GALNT13: variants seen among roughly 807,000 people sequenced by gnomAD.
The protein encoded by GALNT13 is polypeptide N-acetylgalactosaminyltransferase 13, also known as UDP-GalNAc:polypeptide N-acetylgalactosaminyltransferase 13.
A neutral mutation model predicts 64.2 loss-of-function variants in GALNT13; 28 were observed. That is an observed-to-expected ratio of 0.44 (90% CI 0.32 to 0.60). The LOEUF (loss-of-function observed/expected upper bound fraction) is 0.60. Among genes scored for constraint, GALNT13 ranks in the 20% least tolerant of loss-of-function variants. The probability of loss-of-function intolerance (pLI) is 0.05; values close to 1 mark genes in which losing one functional copy is unlikely to be tolerated. For missense variants in GALNT13, 577 were observed against 669.8 expected (o/e 0.86, Z 1.53); for synonymous variants, 214 against 224.6 (o/e 0.95, Z 0.42).
At chr2:153,767,567 A>T in the GALNT13 span, among the ~76,000 whole-genome samples, 1 of 152,144 alleles carries the variant, frequency 6.6e-6, no homozygotes, top group African/African-American at 2.4e-5. Context: ...ATACCCACGA[A>T]CAGTATGTGA....
the GALNT13 span, among the ~76,000 whole-genome samples, chr2:153,576,425 C>T: frequency 6.6e-6 from 1 of 152,190 alleles, no homozygotes; most frequent in Non-Finnish European, 1.5e-5. Flanking sequence ...AACTTAAATT[C>T]CAACAGCTAG....
chr2:154,261,761 T>C (rs1211570408), intron 8 of GALNT13, among the ~76,000 whole-genome samples: 1 of 152,162 alleles, frequency 6.6e-6, no homozygotes, highest in Non-Finnish European at 1.5e-5. Flanking sequence ...ATTTCCTTTA[T>C]AAATTTATGT....
chr2:153,649,191 G>T, the GALNT13 span, among the ~76,000 whole-genome samples: 2 of 152,110 alleles, frequency 1.3e-5, no homozygotes, highest in Non-Finnish European at 2.9e-5. Flanking sequence ...GTTTAGTCTT[G>T]GGAGGGTGTA....
chr2:153,737,156 G>T, the GALNT13 span, among the ~76,000 whole-genome samples: 1 of 152,120 alleles, frequency 6.6e-6, no homozygotes, highest in Admixed American at 6.6e-5. Flanking sequence ...AATTATTCAG[G>T]GAGGAAGAAA....
the GALNT13 span, among the ~76,000 whole-genome samples, chr2:153,555,190 CTTTTTT>C: frequency 9.5e-6 from 1 of 105,214 alleles, no homozygotes; most frequent in Admixed American, 9.9e-5. Context: ...AGAAGCTTTA[CTTTTTT>C]TTTTTTTTTT....
At chr2:154,025,811 T>G (rs1697916622) in intron 3 of GALNT13, among the ~76,000 whole-genome samples, 1 of 152,140 alleles carries the variant, frequency 6.6e-6, no homozygotes. Flanking sequence ...GGTCACTCAA[T>G]TCTTTGAGGG....
At chr2:154,064,169 T>C (rs778864710) in intron 3 of GALNT13, among the ~76,000 whole-genome samples, 1 of 152,140 alleles carries the variant, frequency 6.6e-6, no homozygotes, top group Non-Finnish European at 1.5e-5. Context: ...CCGACACTGA[T>C]GGAAGGAGCA....
chr2:153,165,597 T>G, the GALNT13 span, among the ~76,000 whole-genome samples: 1 of 152,234 alleles, frequency 6.6e-6, no homozygotes, highest in Admixed American at 6.5e-5. Flanking sequence ...TTTGAGCTGC[T>G]TGGCTTATAA....
chr2:153,331,218 A>T, the GALNT13 span, among the ~76,000 whole-genome samples: 6 of 115,718 alleles, frequency 5.2e-5, no homozygotes, highest in South Asian at 1.5e-3. Context: ...CATCAGGGAT[A>T]TTGGCCTATG....
intron 4 of GALNT13, among the ~76,000 whole-genome samples, chr2:154,143,191 A>T (rs1386100831): frequency 1.3e-5 from 2 of 152,138 alleles, no homozygotes; most frequent in Non-Finnish European, 2.9e-5. Context: ...GATCCTTCGC[A>T]TGCGCAGTTC....
At chr2:154,021,041 T>C (rs1485662165) in intron 3 of GALNT13, among the ~76,000 whole-genome samples, 1 of 152,208 alleles carries the variant, frequency 6.6e-6, no homozygotes, top group Non-Finnish European at 1.5e-5. Flanking sequence ...GACGCCTCTG[T>C]TCTGCTCCAT....
the GALNT13 span, among the ~76,000 whole-genome samples, chr2:153,162,962 C>G: frequency 6.6e-6 from 1 of 151,846 alleles, no homozygotes; most frequent in Admixed American, 6.6e-5. Context: ...TCTCTCAAGT[C>G]GATTGAAAGT....
the GALNT13 span, among the ~76,000 whole-genome samples, chr2:153,364,882 G>GA: frequency 6.6e-6 from 1 of 151,894 alleles, no homozygotes; most frequent in Non-Finnish European, 1.5e-5. Context: ...CACATAATTA[G>GA]AAAAAACTAC....
At chr2:153,772,321 T>C in the GALNT13 span, among the ~76,000 whole-genome samples, 3 of 152,194 alleles carry the variant, frequency 2.0e-5, no homozygotes, top group Admixed American at 1.3e-4. Context: ...CCCATTATCT[T>C]TTCCTCTGCC....
the GALNT13 span, among the ~76,000 whole-genome samples, chr2:153,397,438 C>A: frequency 6.6e-6 from 1 of 152,084 alleles, no homozygotes; most frequent in Non-Finnish European, 1.5e-5. Context: ...TTCACTGGTG[C>A]ACTGACTTTT....
chr2:153,703,255 T>A, the GALNT13 span, among the ~76,000 whole-genome samples: 2 of 152,218 alleles, frequency 1.3e-5, no homozygotes, highest in South Asian at 4.1e-4. Flanking sequence ...GTTGTTTGTC[T>A]CACCATTAAA....
At chr2:153,411,175 A>AT in the GALNT13 span, among the ~76,000 whole-genome samples, 466 of 90,740 alleles carry the variant, frequency 5.1e-3, 1 homozygote, top group Non-Finnish European at 7.7e-3. Flanking sequence ...ATATATATAT[A>AT]TATATTTTTT....
the GALNT13 span, among the ~76,000 whole-genome samples, chr2:153,699,161 C>CA: frequency 6.6e-6 from 1 of 151,698 alleles, no homozygotes. Flanking sequence ...GTAGAGGTTG[C>CA]AAAAAAGAAA....
At chr2:154,123,621 T>C (rs187185507) in intron 3 of GALNT13, among the ~76,000 whole-genome samples, 3 of 152,110 alleles carry the variant, frequency 2.0e-5, no homozygotes, top group Admixed American at 2.0e-4. Flanking sequence ...CTCTGACACA[T>C]TTCTAGTGAA....
Sources: gnomAD v4.1 joint callset for allele counts (sites outside exome capture counted in the v4.1 genomes callset) on GRCh38, gnomAD v4.1.1 for gene constraint, MANE v1.5 for transcripts, NCBI Gene and HGNC (gene_info 2026-07-23, HGNC 2026-07-21) for gene names.